Variants in NTF3 observed in about 807,000 individuals in gnomAD.
NTF3 encodes the protein neurotrophin-3.
A neutral mutation model predicts 26.3 loss-of-function variants in NTF3; 8 were observed. The observed-to-expected ratio is 0.30, with a 90% confidence interval of 0.18 to 0.55. The LOEUF is 0.55. Among genes scored for constraint, NTF3 ranks in the 20% least tolerant of loss-of-function variants. The pLI is 0.93. For missense variants in NTF3, 276 were observed against 352.9 expected (o/e 0.78, Z 1.75); for synonymous variants, 154 against 145.5 (o/e 1.06, Z -0.42).
chr12:5,465,583 C>T (rs571125605), intron 1 of NTF3, among the ~76,000 whole-genome samples: 1 of 152,328 alleles, frequency 6.6e-6, no homozygotes, highest in South Asian at 2.1e-4. Context: ...CATGAAATGC[C>T]TCATTTATTC....
intron 1 of NTF3, 108 bp downstream of exon 1, chr12:5,432,450 G>A: frequency 8.2e-6 from 10 of 1,214,300 alleles, no homozygotes; most frequent in Non-Finnish European, 1.2e-5. Flanking sequence ...TCCGCATCCC[G>A]CCCCACCCCC....
intron 1 of NTF3, among the ~76,000 whole-genome samples, chr12:5,451,606 G>T (rs1227331455): frequency 2.0e-5 from 3 of 152,184 alleles, no homozygotes; most frequent in African/African-American, 7.2e-5. Flanking sequence ...AATACCCTTT[G>T]ACATTCTTTC....
chr12:5,459,110 T>G (rs1430828561), intron 1 of NTF3, among the ~76,000 whole-genome samples: 1 of 152,234 alleles, frequency 6.6e-6, no homozygotes, highest in Non-Finnish European at 1.5e-5. Flanking sequence ...TTTCCCCTGG[T>G]GAGCACTGCA....
intron 1 of NTF3, among the ~76,000 whole-genome samples, chr12:5,475,884 G>T (rs1940717244): frequency 6.9e-6 from 1 of 145,878 alleles, no homozygotes; most frequent in South Asian, 2.3e-4. Context: ...GAGAAGGAAA[G>T]AAAGAAAGAA....
chr12:5,440,424 C>T (rs1940222571), intron 1 of NTF3, among the ~76,000 whole-genome samples: 1 of 152,154 alleles, frequency 6.6e-6, no homozygotes, highest in South Asian at 2.1e-4. Flanking sequence ...TTAAAAATAT[C>T]CTTCTCTGGC....
At chr12:5,441,265 TGA>T (rs1464815306) in intron 1 of NTF3, among the ~76,000 whole-genome samples, 5 of 152,160 alleles carry the variant, frequency 3.3e-5, no homozygotes, top group Non-Finnish European at 7.3e-5. Context: ...AATTAAATTG[TGA>T]GAATTGGGAG....
At chr12:5,436,674 C>A (rs1940172640) in intron 1 of NTF3, among the ~76,000 whole-genome samples, 1 of 152,092 alleles carries the variant, frequency 6.6e-6, no homozygotes, top group Admixed American at 6.5e-5. Flanking sequence ...GGATCTGGAC[C>A]CCTTTCTCTT....
At chr12:5,472,904 A>T (rs1032528834) in intron 1 of NTF3, among the ~76,000 whole-genome samples, 3 of 152,168 alleles carry the variant, frequency 2.0e-5, no homozygotes, top group Non-Finnish European at 4.4e-5. Flanking sequence ...TAGAGCCATT[A>T]TTCAGTGAAT....
intron 1 of NTF3, among the ~76,000 whole-genome samples, chr12:5,443,474 G>A (rs1352068610): frequency 6.6e-6 from 1 of 152,094 alleles, no homozygotes; most frequent in Non-Finnish European, 1.5e-5. Flanking sequence ...ATACAAAGGG[G>A]GGAAATGTTC....
intron 1 of NTF3, among the ~76,000 whole-genome samples, chr12:5,457,899 C>G (rs1462716000): frequency 1.3e-5 from 2 of 152,186 alleles, no homozygotes; most frequent in Non-Finnish European, 2.9e-5. Flanking sequence ...AAGTCCTCAT[C>G]ATTCTAACTC....
At chr12:5,467,193 C>T (rs866375274) in intron 1 of NTF3, among the ~76,000 whole-genome samples, 2 of 133,078 alleles carry the variant, frequency 1.5e-5, no homozygotes, top group Non-Finnish European at 3.1e-5. Context: ...CATGCCACTG[C>T]ACTCCAACCT....
intron 1 of NTF3, among the ~76,000 whole-genome samples, chr12:5,475,076 G>C (rs1940706022): frequency 6.6e-6 from 1 of 152,160 alleles, no homozygotes; most frequent in African/African-American, 2.4e-5. Context: ...TAGGACGGAG[G>C]TCTGTGCCTG....
chr12:5,492,544 G>A (rs1258294872), intron 1 of NTF3, among the ~76,000 whole-genome samples: 6 of 152,230 alleles, frequency 3.9e-5, no homozygotes, highest in African/African-American at 1.4e-4. Context: ...TCCTTATGCT[G>A]TAGAGGAACC....
upstream of NTF3, among the ~76,000 whole-genome samples, chr12:5,431,791 T>C (rs1167863344): frequency 6.6e-6 from 1 of 152,156 alleles, no homozygotes; most frequent in Non-Finnish European, 1.5e-5. Context: ...ACGATACATT[T>C]AACGTTTCGT....
intron 1 of NTF3, among the ~76,000 whole-genome samples, chr12:5,485,873 A>G (rs922192616): frequency 6.6e-6 from 1 of 152,160 alleles, no homozygotes; most frequent in Admixed American, 6.5e-5. Flanking sequence ...AAAGCACCAG[A>G]CACATGTTTC....
chr12:5,460,721 T>C (rs567502779), intron 1 of NTF3, among the ~76,000 whole-genome samples: 1 of 152,322 alleles, frequency 6.6e-6, no homozygotes, highest in African/African-American at 2.4e-5. Context: ...ATCCCAGTTT[T>C]AACCTCATTC....
chr12:5,471,322 T>A (rs1382133406), intron 1 of NTF3, among the ~76,000 whole-genome samples: 1 of 152,182 alleles, frequency 6.6e-6, no homozygotes, highest in Admixed American at 6.5e-5. Context: ...GGGCTTTAGT[T>A]CCCTTATCTG....
At chr12:5,458,122 A>G (rs1199514148) in intron 1 of NTF3, among the ~76,000 whole-genome samples, 4 of 151,990 alleles carry the variant, frequency 2.6e-5, no homozygotes, top group African/African-American at 9.7e-5. Context: ...CTCATACCCC[A>G]TGCACCAGCC....
At chr12:5,479,024 T>C (rs1042204972) in intron 1 of NTF3, among the ~76,000 whole-genome samples, 1 of 152,366 alleles carries the variant, frequency 6.6e-6, no homozygotes, top group East Asian at 1.9e-4. Context: ...AGTTGTCTCA[T>C]TAGCCCCCAT....
Sources: gnomAD v4.1 joint callset for allele counts (sites outside exome capture counted in the v4.1 genomes callset) on GRCh38, gnomAD v4.1.1 for gene constraint, MANE v1.5 for transcripts, NCBI Gene and HGNC (gene_info 2026-07-23, HGNC 2026-07-21) for gene names.